Variants in GPATCH2 observed in about 807,000 individuals in gnomAD.
GPATCH2 encodes the protein G patch domain-containing protein 2.
Under a neutral mutation model 58.0 loss-of-function variants are expected in GPATCH2, and 51 were observed. The ratio of observed to expected loss-of-function variants is 0.88; its 90% CI spans 0.70 to 1.11. GPATCH2 has a LOEUF of 1.11. Ranked by LOEUF, GPATCH2 falls within the 50% of genes most tolerant of loss-of-function variation. The probability of loss-of-function intolerance (pLI) is 0.00; values close to 1 mark genes in which losing one functional copy is unlikely to be tolerated. For missense variants in GPATCH2, 625 were observed against 652.2 expected, an observed-to-expected ratio of 0.96 and a Z score of 0.45; for synonymous variants, 222 against 218.5, an observed-to-expected ratio of 1.02 and a Z score of -0.14.
intron 5 of GPATCH2, among the ~76,000 whole-genome samples, chr1:217,588,518 C>T (rs905589362): frequency 6.6e-6 from 1 of 151,974 alleles, no homozygotes; most frequent in Admixed American, 6.6e-5. Flanking sequence ...CCTATTAAAA[C>T]TTAATTGAAC....
intron 5 of GPATCH2, among the ~76,000 whole-genome samples, chr1:217,523,800 G>A (rs1221397825): frequency 7.1e-6 from 1 of 140,632 alleles, no homozygotes; most frequent in African/African-American, 2.6e-5. Context: ...GCCAGGTGGG[G>A]GGCTGACCCC....
chr1:217,631,076 C>A lies in GPATCH2; in HGVS notation c.-105G>T. The A allele has an allele frequency of 8.9e-7, 1 of 1,125,848 alleles. No individual in the cohort carries two copies. The highest frequency in any genetic ancestry group is 1.3e-6 in the Non-Finnish European group (1 of 791,908). 69.7% of individuals were successfully genotyped at this position (1,125,848 alleles called of 1,614,324 possible). The stretch of plus-strand genomic sequence containing the variant: ...GAGCAGTTCAGCATTTTGAGATGAG[C>A]TTCCGGAAGCCGACAGGCGGCGGAA... On this transcript the variant is annotated 5_prime_UTR_variant, in exon 1 of 10. Coordinates refer to ENST00000366935, the MANE Select transcript of GPATCH2 (RefSeq NM_018040.5).
At chr1:217,502,296 T>C (rs1394003190) in intron 6 of GPATCH2, among the ~76,000 whole-genome samples, 1 of 152,122 alleles carries the variant, frequency 6.6e-6, no homozygotes, top group Non-Finnish European at 1.5e-5. Flanking sequence ...TTAAACCTAA[T>C]TATCAATTTG....
intron 5 of GPATCH2, among the ~76,000 whole-genome samples, chr1:217,554,305 A>G (rs1665513191): frequency 6.6e-6 from 1 of 152,218 alleles, no homozygotes. Flanking sequence ...GCTTCTGGAA[A>G]TTATGAGGTC....
At chr1:217,461,260 C>T (rs2102487850) in intron 8 of GPATCH2, among the ~76,000 whole-genome samples, 1 of 152,228 alleles carries the variant, frequency 6.6e-6, no homozygotes, top group African/African-American at 2.4e-5. Flanking sequence ...TTAGGTTAAA[C>T]TATTGCTTAT....
intron 5 of GPATCH2, chr1:217,609,314 G>A: frequency 1.0e-6 from 1 of 985,152 alleles, no homozygotes; most frequent in South Asian, 4.7e-5. Context: ...TTTTAAACAT[G>A]ACAATATGAT....
chr1:217,470,328 C>G (rs928444454), intron 8 of GPATCH2, among the ~76,000 whole-genome samples: 1 of 152,202 alleles, frequency 6.6e-6, no homozygotes, highest in Non-Finnish European at 1.5e-5. Context: ...GCTGTTCATA[C>G]TTTCTGGCAT....
intron 2 of GPATCH2, among the ~76,000 whole-genome samples, chr1:217,616,838 A>G (rs1455676414): frequency 6.6e-6 from 1 of 152,116 alleles, no homozygotes; most frequent in Non-Finnish European, 1.5e-5. Context: ...ACTTGCCCCA[A>G]TTTGTTCAAT....
intron 1 of GPATCH2, among the ~76,000 whole-genome samples, chr1:217,621,074 A>G (rs1669166497): frequency 6.6e-6 from 1 of 152,202 alleles, no homozygotes; most frequent in Non-Finnish European, 1.5e-5. Flanking sequence ...CCAGTGAAGC[A>G]CAAACTACAT....
intron 8 of GPATCH2, among the ~76,000 whole-genome samples, chr1:217,457,984 T>G (rs563487452): frequency 1.3e-5 from 2 of 152,066 alleles, no homozygotes; most frequent in Admixed American, 6.5e-5. Context: ...TCCCAGCACT[T>G]TGAGAGGCCG....
intron 8 of GPATCH2, among the ~76,000 whole-genome samples, chr1:217,471,516 A>G: frequency 6.6e-6 from 1 of 152,186 alleles, no homozygotes; most frequent in East Asian, 1.9e-4. Context: ...ACATCTTTGG[A>G]TCTTTAGATG....
intron 8 of GPATCH2, among the ~76,000 whole-genome samples, chr1:217,476,656 C>T (rs1265404091): frequency 2.6e-5 from 4 of 152,114 alleles, no homozygotes; most frequent in African/African-American, 4.8e-5. Context: ...ACTCAGCTGA[C>T]GCCTGCCCAC....
At chr1:217,600,017 A>G (rs556328996) in intron 5 of GPATCH2, among the ~76,000 whole-genome samples, 6 of 152,188 alleles carry the variant, frequency 3.9e-5, no homozygotes, top group Non-Finnish European at 8.8e-5. Context: ...CTACATAGTT[A>G]CATGTCACTT....
intron 6 of GPATCH2, among the ~76,000 whole-genome samples, chr1:217,503,001 C>CT (rs1318861952): frequency 1.6e-4 from 24 of 152,206 alleles, no homozygotes; most frequent in Admixed American, 5.2e-4. Context: ...CTTTCTAGCT[C>CT]TAGAAATTGG....
chr1:217,508,534 C>T (rs1458755928), intron 6 of GPATCH2, among the ~76,000 whole-genome samples: 5 of 151,908 alleles, frequency 3.3e-5, no homozygotes, highest in Non-Finnish European at 7.4e-5. Context: ...TATTTAAAAG[C>T]AAGTATCTCA....
chr1:217,476,990 G>C lies in GPATCH2; in HGVS notation c.1277+14690C>G, dbSNP rs144117302. 2.2e-3 allele frequency among the ~76,000 whole-genome samples: 335 copies of C among 152,236 alleles called. 2 individuals are homozygous for C. Among genetic ancestry groups the C allele is most frequent in the African/African-American group, 7.3e-3 (303 of 41,532 alleles). On this transcript the variant is annotated intron_variant, in intron 8 of 9. Coordinates refer to ENST00000366935, the MANE Select transcript of GPATCH2 (RefSeq NM_018040.5). Reference sequence around the variant, plus strand: ...GGGATCCCTTTCATCTTCTGGAGGAGATGAGAGGGAAGAGTGGGGAGGACT... The same window carrying C: ...GGGATCCCTTTCATCTTCTGGAGGACATGAGAGGGAAGAGTGGGGAGGACT...
At chr1:217,609,491 C>T (rs1668526511) in intron 5 of GPATCH2, 2 of 983,672 alleles carry the variant, frequency 2.0e-6, no homozygotes, top group South Asian at 4.7e-5. Flanking sequence ...TAATTTAAAA[C>T]GAGGATGATT....
chr1:217,584,782 T>G (rs897388401), intron 5 of GPATCH2, among the ~76,000 whole-genome samples: 1 of 151,686 alleles, frequency 6.6e-6, no homozygotes, highest in Non-Finnish European at 1.5e-5. Flanking sequence ...GTTAGAAAAA[T>G]AAAAGTATGG....
intron 5 of GPATCH2, among the ~76,000 whole-genome samples, chr1:217,529,855 A>G (rs542388343): frequency 3.9e-5 from 6 of 152,296 alleles, no homozygotes; most frequent in Admixed American, 1.3e-4. Flanking sequence ...ACTGACATCA[A>G]CTCTTTAGAA....
Sources: allele counts gnomAD v4.1 joint callset (sites outside exome capture counted in the v4.1 genomes callset), GRCh38; gene constraint gnomAD v4.1.1; transcripts MANE v1.5; gene names NCBI Gene and HGNC (gene_info 2026-07-23, HGNC 2026-07-21).